DOCK2: variants seen among roughly 807,000 people sequenced by gnomAD.
The protein encoded by DOCK2 is dedicator of cytokinesis protein 2.
In DOCK2, 87 loss-of-function variants were observed where a neutral mutation model predicts 248.9. The observed-to-expected ratio is 0.35, with a 90% CI of 0.29 to 0.42. The LOEUF (loss-of-function observed/expected upper bound fraction) is 0.42, where lower values mean the gene tolerates loss of function less well. DOCK2 is among the 10% of genes least tolerant of loss of function. The pLI is 1.00. For synonymous variants in DOCK2, 805 were observed against 821.6 expected, an observed-to-expected ratio of 0.98 and a Z score of 0.35; for missense variants, 1,747 against 2,300.2, an observed-to-expected ratio of 0.76 and a Z score of 4.92.
chr5:169,898,190 A>G (rs1189797648), intron 27 of DOCK2, among the ~76,000 whole-genome samples: 1 of 152,068 alleles, frequency 6.6e-6, no homozygotes, highest in African/African-American at 2.4e-5. Flanking sequence ...ATGAACAAGT[A>G]TGTGTCCCTG....
chr5:169,657,675 T>C lies in DOCK2; in HGVS notation c.127+3189T>C, dbSNP rs182241771. Among the ~76,000 whole-genome samples the C allele has an allele frequency of 2.6e-5, 4 of 152,368 alleles. No individual in the cohort carries two copies. The East Asian group carries it at 7.7e-4, about 29-fold the overall frequency. On this transcript the variant is annotated intron_variant, in intron 2 of 51. Transcript: ENST00000520908. ...GAGATTTGGTGGCATCAGAAGACTTTATTTAATCTTATATCCATGTGCTGC... is the reference window on the plus strand; with the variant it reads ...GAGATTTGGTGGCATCAGAAGACTTCATTTAATCTTATATCCATGTGCTGC...
intron 27 of DOCK2, among the ~76,000 whole-genome samples, chr5:169,973,589 G>A (rs762429016): frequency 3.3e-5 from 5 of 152,128 alleles, no homozygotes; most frequent in African/African-American, 4.8e-5. Flanking sequence ...AGGAGAGCTG[G>A]CATTGATCCC....
intron 26 of DOCK2, among the ~76,000 whole-genome samples, chr5:169,824,665 A>G (rs1454010263): frequency 1.3e-5 from 2 of 152,370 alleles, no homozygotes; most frequent in Non-Finnish European, 2.9e-5. Flanking sequence ...AAAACCATAA[A>G]AACCCTAGAA....
intron 14 of DOCK2, among the ~76,000 whole-genome samples, chr5:169,704,781 GTGTGTGTGTGTGTGTGTGTGTGTGTA>G (rs1372958663): frequency 6.9e-6 from 1 of 145,056 alleles, no homozygotes; most frequent in African/African-American, 2.6e-5. Flanking sequence ...GTGTGTGTGT[GTGTGTGTGTGTGTGTGTGTGTGTGTA>G]TGTGTATGCA....
At chr5:169,729,953 A>G (rs1374284562) in intron 22 of DOCK2, among the ~76,000 whole-genome samples, 1 of 151,980 alleles carries the variant, frequency 6.6e-6, no homozygotes, top group Non-Finnish European at 1.5e-5. Context: ...TGTGATATTT[A>G]TTTATTTATA....
At chr5:169,645,330 G>A (rs1757398649) in intron 1 of DOCK2, among the ~76,000 whole-genome samples, 1 of 152,292 alleles carries the variant, frequency 6.6e-6, no homozygotes, top group African/African-American at 2.4e-5. Context: ...TCGCCATTCT[G>A]ACTGGCATGA....
chr5:170,077,986 T>G, intron 48 of DOCK2, 149 bp downstream of exon 48: 6 of 664,190 alleles, frequency 9.0e-6, no homozygotes, highest in East Asian at 2.9e-5. Context: ...GTCTCACAAC[T>G]ACCCCAGGAG....
intron 40 of DOCK2, among the ~76,000 whole-genome samples, chr5:170,048,046 A>T (rs542004586): frequency 6.6e-6 from 1 of 152,236 alleles, no homozygotes; most frequent in African/African-American, 2.4e-5. Context: ...CATTTACTAC[A>T]TGAGAAATTA....
At chr5:170,078,362 G>A (rs1451908402) in intron 48 of DOCK2, among the ~76,000 whole-genome samples, 1 of 152,146 alleles carries the variant, frequency 6.6e-6, no homozygotes, top group East Asian at 1.9e-4. Flanking sequence ...GGGCCTCAGA[G>A]GTTACTCTTG....
intron 27 of DOCK2, among the ~76,000 whole-genome samples, chr5:169,862,821 T>C (rs1387492859): frequency 6.6e-6 from 1 of 152,222 alleles, no homozygotes; most frequent in Non-Finnish European, 1.5e-5. Context: ...CAATTTGCAG[T>C]GGGGTAGGTA....
intron 25 of DOCK2, among the ~76,000 whole-genome samples, chr5:169,765,680 CAGAGAGAGATTGACAGAA>C (rs1163815842): frequency 1.3e-5 from 2 of 152,076 alleles, no homozygotes; most frequent in Non-Finnish European, 2.9e-5. Flanking sequence ...AAAACAAACA[CAGAGAGAGATTGACAGAA>C]AGAGAGAGGG....
At chr5:170,040,479 C>G (rs1362823619) in intron 36 of DOCK2, among the ~76,000 whole-genome samples, 1 of 152,176 alleles carries the variant, frequency 6.6e-6, no homozygotes, top group African/African-American at 2.4e-5. Flanking sequence ...AGCCCCGATC[C>G]ACTTCCTTTT....
At chr5:169,988,242 A>G (rs1214556618) in intron 29 of DOCK2, among the ~76,000 whole-genome samples, 3 of 152,106 alleles carry the variant, frequency 2.0e-5, no homozygotes, top group East Asian at 3.9e-4. Flanking sequence ...TGTTCTCACT[A>G]TTTTTGCATT....
Position 170,018,999 on chromosome 5 carries a change from C to G in DOCK2, c.3272C>G (p.Pro1091Arg), listed in dbSNP as rs1260336000. 3 of 1,613,934 alleles carry G rather than the reference C, an allele frequency of 1.9e-6. No homozygotes were observed. The highest frequency in any genetic ancestry group is 2.5e-6 in the Non-Finnish European group (3 of 1,179,970). ...TGCTTCATCCCAGGCATGGTAGGAC[C>G]TATATTAGAGATGACACTTATCCCT... ...KICFIPGMVG[P>R]ILEMTLIPEA... Residue 1091 changes from proline to arginine, a missense_variant, in exon 33 of 52, where the codon CCT becomes CGT. Physicochemically the swap from Pro to Arg is moderately radical, Grantham distance 103. Coordinates refer to ENST00000520908, the MANE Select transcript of DOCK2 (RefSeq NM_004946.3).
chr5:169,936,692 C>T (rs914978983), intron 27 of DOCK2, among the ~76,000 whole-genome samples: 4 of 151,430 alleles, frequency 2.6e-5, no homozygotes, highest in Non-Finnish European at 5.9e-5. Context: ...CAAAAACCTC[C>T]TCCTGGGGGG....
At chr5:170,064,141 G>A (rs1434858894) in intron 44 of DOCK2, among the ~76,000 whole-genome samples, 1 of 152,160 alleles carries the variant, frequency 6.6e-6, no homozygotes, top group Non-Finnish European at 1.5e-5. Flanking sequence ...GGCTTGGTCA[G>A]ATCCTTCTTC....
At chr5:169,886,316 C>T (rs1772968094) in intron 27 of DOCK2, among the ~76,000 whole-genome samples, 1 of 152,146 alleles carries the variant, frequency 6.6e-6, no homozygotes, top group Admixed American at 6.6e-5. Flanking sequence ...AGGAGATGAA[C>T]CTACTGGTCC....
Position 169,875,349 on chromosome 5 carries a change from C to T in DOCK2, c.2799+34497C>T, listed in dbSNP as rs373089644. On this transcript the variant is annotated intron_variant, in intron 27 of 51. Coordinates refer to ENST00000520908, the MANE Select transcript of DOCK2 (RefSeq NM_004946.3). ...AGGAGGTTCCGATGCAGATGGTCCA[C>T]GACCACGCTTTGGGAGCACTGTCTA... 9.9e-4 allele frequency: 452 copies of T among 456,488 alleles called. 1 individual carries two copies. The highest frequency in any genetic ancestry group is 7.4e-3 in the African/African-American group (371 of 50,168). 28.3% of individuals were successfully genotyped at this position (456,488 alleles called of 1,614,324 possible). A position where few individuals can be genotyped will look rare whatever the true frequency, so the allele number is the denominator to read the frequency against.
intron 25 of DOCK2, among the ~76,000 whole-genome samples, chr5:169,799,284 A>G (rs1305784567): frequency 6.6e-6 from 1 of 152,212 alleles, no homozygotes; most frequent in African/African-American, 2.4e-5. Context: ...AGACTTTACC[A>G]CTTTATCTAA....
Sources: gnomAD v4.1 joint callset for allele counts (sites outside exome capture counted in the v4.1 genomes callset) on GRCh38, gnomAD v4.1.1 for gene constraint, MANE v1.5 for transcripts, NCBI Gene and HGNC (gene_info 2026-07-23, HGNC 2026-07-21) for gene names.